The following GCNT2 variants were observed in gnomAD, a reference collection of about 807,000 sequenced individuals.
The protein encoded by GCNT2 is glucosaminyl (N-acetyl) transferase 2 (I blood group), also known as N-acetyllactosaminide beta-1,6-N-acetylglucosaminyl-transferase.
GCNT2 carries 34 observed loss-of-function variants against 34.2 expected under a neutral mutation model. The ratio of observed to expected loss-of-function variants is 1.00; its 90% CI spans 0.76 to 1.32. The LOEUF (loss-of-function observed/expected upper bound fraction) is 1.32. GCNT2 is among the 40% of genes most tolerant of loss of function. GCNT2 has a pLI of 0.00. For synonymous variants in GCNT2, 212 were observed against 188.0 expected, an observed-to-expected ratio of 1.13 and a Z score of -1.04; for missense variants, 584 against 489.4, an observed-to-expected ratio of 1.19 and a Z score of -1.82.
At chr6:10,540,832 C>T (rs1203567516) in intron 3 of GCNT2, among the ~76,000 whole-genome samples, 1 of 152,150 alleles carries the variant, frequency 6.6e-6, no homozygotes, top group Non-Finnish European at 1.5e-5. Flanking sequence ...CCAACTCCCC[C>T]ATCACTTCCA....
At chr6:10,530,084 G>A (rs774064102) in intron 3 of GCNT2, 25 of 448,496 alleles carry the variant, frequency 5.6e-5, no homozygotes, top group African/African-American at 1.4e-4. Context: ...AAACGTGACC[G>A]AGCACAGTGG....
intron 3 of GCNT2, among the ~76,000 whole-genome samples, chr6:10,581,252 T>A (rs1338159279): frequency 6.6e-6 from 1 of 152,126 alleles, no homozygotes; most frequent in African/African-American, 2.4e-5. Flanking sequence ...TTTTGTTTTA[T>A]GTATGTATTT....
intron 3 of GCNT2, chr6:10,556,918 C>T (rs758306131): frequency 6.2e-7 from 1 of 1,614,172 alleles, no homozygotes; most frequent in Non-Finnish European, 8.5e-7. Context: ...TCTCCAGGCT[C>T]CAGGCTGACC....
Position 10,529,478 on chromosome 6 carries a change from C to T in GCNT2, c.567C>T (p.Asn189=). The T allele has an allele frequency of 1.9e-6, 3 of 1,614,100 alleles. No homozygotes were observed. Among genetic ancestry groups the T allele is most frequent in the Non-Finnish European group, 2.5e-6 (3 of 1,179,996 alleles). ...ASEVPWKYVI[N]TCGQDFPLKT... is the part of the protein sequence containing the mutation. ...AAGTTCCCTGGAAGTATGTCATCAA[C>T]ACCTGCGGGCAAGACTTTCCCCTGA... The change falls in exon 3 of 5, where the codon AAC becomes AAT. Residue 189 remains asparagine, a synonymous_variant. Transcript: ENST00000495262.
At chr6:10,577,471 G>T (rs992105798) in intron 3 of GCNT2, among the ~76,000 whole-genome samples, 22 of 152,218 alleles carry the variant, frequency 1.4e-4, no homozygotes, top group African/African-American at 5.1e-4. Context: ...AGGAGCAGAA[G>T]TGCTCATGGG....
intron 3 of GCNT2, among the ~76,000 whole-genome samples, chr6:10,576,302 G>A (rs1014775416): frequency 2.0e-5 from 3 of 152,162 alleles, no homozygotes; most frequent in Non-Finnish European, 2.9e-5. Flanking sequence ...GGCTATTTTC[G>A]CACCTCAACA....
At chr6:10,599,810 C>CTT (rs1269184010) in intron 3 of GCNT2, among the ~76,000 whole-genome samples, 1 of 152,158 alleles carries the variant, frequency 6.6e-6, no homozygotes, top group East Asian at 1.9e-4. Context: ...TCTTTAATAA[C>CTT]TTATAACTCA....
rs775894734 is a variant in GCNT2 at position 10,527,928 on chromosome 6, T to G, written c.-282+268T>G. Among the ~76,000 whole-genome samples, 48 of 152,152 alleles carry G rather than the reference T, an allele frequency of 3.2e-4. 1 individual carries two copies. The highest frequency in any genetic ancestry group is 7.4e-5 in the Non-Finnish European group (5 of 68,026). On this transcript the variant is annotated intron_variant, in intron 2 of 4. Transcript: ENST00000495262. ...GTAAATCTGGACATAAGAGCCTCTCTCCTAAAATTCAAGACTGAGATGCTC... is the reference window on the plus strand; with the variant it reads ...GTAAATCTGGACATAAGAGCCTCTCGCCTAAAATTCAAGACTGAGATGCTC...
chr6:10,566,143 G>A (rs1763274241), intron 3 of GCNT2, among the ~76,000 whole-genome samples: 1 of 149,970 alleles, frequency 6.7e-6, no homozygotes, highest in Non-Finnish European at 1.5e-5. Context: ...GAGGCTCCCG[G>A]ATGCTCTTCC....
chr6:10,526,735 A>T (rs375245017), intron 1 of GCNT2, among the ~76,000 whole-genome samples: 14 of 152,146 alleles, frequency 9.2e-5, no homozygotes, highest in Admixed American at 7.9e-4. Context: ...AAGAATGTGT[A>T]TTTCCTATAG....
At chr6:10,594,861 T>TTC (rs1358323492) in intron 3 of GCNT2, among the ~76,000 whole-genome samples, 1 of 152,036 alleles carries the variant, frequency 6.6e-6, no homozygotes, top group Non-Finnish European at 1.5e-5. Flanking sequence ...CCTTTTTTTT[T>TTC]TGAGATAAGG....
At chr6:10,580,322 ATCC>A (rs1561814863) in intron 3 of GCNT2, among the ~76,000 whole-genome samples, 1 of 152,074 alleles carries the variant, frequency 6.6e-6, no homozygotes, top group Non-Finnish European at 1.5e-5. Context: ...CCCCCACCCA[ATCC>A]TCCTCAATGT....
chr6:10,521,901 ATT>A (rs35881878), intron 1 of GCNT2, among the ~76,000 whole-genome samples: 1 of 145,720 alleles, frequency 6.9e-6, no homozygotes, highest in African/African-American at 2.5e-5. Context: ...TGGCATTTAA[ATT>A]TTTTTTTTTT....
chr6:10,551,619 A>G (rs1762483475), intron 3 of GCNT2, among the ~76,000 whole-genome samples: 1 of 151,616 alleles, frequency 6.6e-6, no homozygotes, highest in South Asian at 2.1e-4. Context: ...TAACTTTTGT[A>G]TTTTTAGTAG....
chr6:10,541,144 CTCT>C (rs1167650816), intron 3 of GCNT2, among the ~76,000 whole-genome samples: 1 of 152,154 alleles, frequency 6.6e-6, no homozygotes, highest in Non-Finnish European at 1.5e-5. Context: ...TCTCTATTAG[CTCT>C]TCTTCCTGAT....
intron 3 of GCNT2, chr6:10,573,350 A>ATTGTTG (rs3064207): frequency 0.64 from 557,041 of 869,914 alleles, 182,508 homozygotes; most frequent in Admixed American, 0.7. Flanking sequence ...TGTGGGTTTT[A>ATTGTTG]TTGTTGTTGT....
intron 3 of GCNT2, among the ~76,000 whole-genome samples, chr6:10,615,227 A>G (rs1262300726): frequency 6.6e-6 from 1 of 152,104 alleles, no homozygotes; most frequent in African/African-American, 2.4e-5. Flanking sequence ...TACAGCTGAG[A>G]GCTACTCACA....
At chr6:10,621,001 C>G (rs977618316) in intron 3 of GCNT2, among the ~76,000 whole-genome samples, 1 of 152,168 alleles carries the variant, frequency 6.6e-6, no homozygotes, top group African/African-American at 2.4e-5. Context: ...AACTGTCAAT[C>G]GCGCTGAAGT....
chr6:10,626,717 A>G lies in GCNT2; in HGVS notation c.*110A>G. On this transcript the variant is annotated 3_prime_UTR_variant, in exon 5 of 5. Transcript: ENST00000495262. Reference sequence around the variant, plus strand: ...TGTTAACCGTTTCAGGACCACGTTTATAGCTTCAGGACCTGGCTACGTAAT... The same window carrying G: ...TGTTAACCGTTTCAGGACCACGTTTGTAGCTTCAGGACCTGGCTACGTAAT... 1.3e-6 allele frequency: 1 copy of G among 766,914 alleles called. No homozygotes were observed. Among genetic ancestry groups the G allele is most frequent in the South Asian group, 1.4e-5 (1 of 69,404 alleles). The allele number at this position is 766,914 out of a possible 1,614,324, so 47.5% of individuals were successfully genotyped here.
Sources: gnomAD v4.1 joint callset for allele counts (sites outside exome capture counted in the v4.1 genomes callset) on GRCh38, gnomAD v4.1.1 for gene constraint, MANE v1.5 for transcripts, NCBI Gene and HGNC (gene_info 2026-07-23, HGNC 2026-07-21) for gene names.